The following SLIT3 variants were observed in gnomAD, a reference collection of about 807,000 sequenced individuals.
SLIT3 encodes slit guidance ligand 3.
Under a neutral mutation model 184.0 loss-of-function variants are expected in SLIT3, and 68 were observed. The ratio of observed to expected loss-of-function variants is 0.37; its 90% CI spans 0.30 to 0.45. The LOEUF is 0.45. SLIT3 is among the 20% of genes least tolerant of loss of function. SLIT3 has a pLI of 1.00. For missense variants in SLIT3, 1,707 were observed against 2,026.0 expected (o/e 0.84, Z 3.02); for synonymous variants, 831 against 828.6 (o/e 1.00, Z -0.05).
intron 24 of SLIT3, among the ~76,000 whole-genome samples, chr5:168,711,312 C>T (rs533254177): frequency 9.8e-5 from 15 of 152,310 alleles, no homozygotes; most frequent in African/African-American, 3.6e-4. Flanking sequence ...AAGTAAGACT[C>T]ACTCTTCAAC....
Position 169,077,259 on chromosome 5 carries a change from C to T in SLIT3, c.413+116220G>A, listed in dbSNP as rs78256787. 9.7e-3 allele frequency among the ~76,000 whole-genome samples: 1,479 copies of T among 152,146 alleles called. 13 individuals carry two copies. Among genetic ancestry groups the T allele is most frequent in the South Asian group, 0.026 (125 of 4,816 alleles). The stretch of plus-strand genomic sequence containing the variant: ...TATTGTAAGAATACAGTATGTAGGC[C>T]GGGCGCGGTGGCTCACACCTGTAAT... On this transcript the variant is annotated intron_variant, in intron 4 of 35. Transcript: ENST00000519560.
intron 4 of SLIT3, among the ~76,000 whole-genome samples, chr5:169,144,640 A>C (rs1761868499): frequency 6.6e-6 from 1 of 152,230 alleles, no homozygotes; most frequent in African/African-American, 2.4e-5. Context: ...ATCCTCAGGA[A>C]GGGTCTGGTC....
At chr5:168,732,698 C>T (rs1418635595) in intron 20 of SLIT3, among the ~76,000 whole-genome samples, 1 of 151,784 alleles carries the variant, frequency 6.6e-6, no homozygotes, top group Admixed American at 6.6e-5. Flanking sequence ...TTCACCAAAG[C>T]CAAAAATATA....
intron 5 of SLIT3, among the ~76,000 whole-genome samples, chr5:168,868,010 T>G (rs760269125): frequency 1.3e-5 from 2 of 152,186 alleles, no homozygotes; most frequent in Non-Finnish European, 2.9e-5. Context: ...AAGAAGATTT[T>G]GCATTAGGTG....
chr5:169,016,326 T>C (rs12654566), intron 4 of SLIT3, among the ~76,000 whole-genome samples: 13 of 152,048 alleles, frequency 8.5e-5, no homozygotes, highest in South Asian at 8.3e-4. Flanking sequence ...GCACATGTGC[T>C]CACAGAAATG....
chr5:169,013,168 T>C (rs1756219357), intron 4 of SLIT3: 1 of 152,252 alleles, frequency 6.6e-6, no homozygotes, highest in Non-Finnish European at 1.5e-5. Flanking sequence ...TCTCCTGGGC[T>C]TCAAAGTTGT....
chr5:169,145,846 G>C (rs190493750), intron 4 of SLIT3, among the ~76,000 whole-genome samples: 2 of 152,148 alleles, frequency 1.3e-5, no homozygotes, highest in African/African-American at 2.4e-5. Context: ...TCAGGAGCTC[G>C]AGGCCAGCCT....
Position 168,868,616 on chromosome 5 carries a change from C to T in SLIT3, c.485+14649G>A, listed in dbSNP as rs146811680. On this transcript the variant is annotated intron_variant, in intron 5 of 35. Coordinates refer to ENST00000519560, the MANE Select transcript of SLIT3 (RefSeq NM_003062.4). ...ACAAAAAATTAGCTGGCCGTGGTGG[C>T]GGGCACCTGTAATCCTAGCTACTCG... is the stretch of plus-strand genomic sequence containing the variant. Among the ~76,000 whole-genome samples, 1,420 of 151,790 alleles carry T rather than the reference C, an allele frequency of 9.4e-3. 19 individuals are homozygous for T. The highest frequency in any genetic ancestry group is 0.032 in the African/African-American group (1,306 of 41,368).
chr5:168,749,171 G>C (rs114293413), intron 19 of SLIT3, among the ~76,000 whole-genome samples: 1,935 of 152,322 alleles, frequency 0.013, 42 homozygotes, highest in African/African-American at 0.044. Context: ...GTACAACAGT[G>C]TTCTCATAGA....
chr5:168,754,157 C>G (rs921978604), intron 16 of SLIT3, 150 bp from the exon 17 acceptor site: 27 of 768,810 alleles, frequency 3.5e-5, no homozygotes, highest in Non-Finnish European at 4.9e-5. Flanking sequence ...CTGGGGCTCC[C>G]TGAACTTTGG....
At chr5:168,724,742 T>TC (rs58337477) in intron 20 of SLIT3, among the ~76,000 whole-genome samples, 7,459 of 152,210 alleles carry the variant, frequency 0.049, 189 homozygotes, top group African/African-American at 0.075. Context: ...CACCGTTGGA[T>TC]CCCCCCGTGG....
intron 4 of SLIT3, among the ~76,000 whole-genome samples, chr5:169,015,170 T>C (rs1007620427): frequency 6.6e-6 from 1 of 152,068 alleles, no homozygotes; most frequent in Non-Finnish European, 1.5e-5. Context: ...TTTCTGTGTA[T>C]TAGGAAAGGA....
intron 20 of SLIT3, among the ~76,000 whole-genome samples, chr5:168,734,909 A>C (rs909278332): frequency 9.2e-5 from 14 of 152,190 alleles, no homozygotes; most frequent in African/African-American, 3.4e-4. Context: ...AGTTGCTTTC[A>C]GTGCAGAATG....
chr5:169,267,672 G>T (rs1265675225), intron 1 of SLIT3, among the ~76,000 whole-genome samples: 1 of 152,152 alleles, frequency 6.6e-6, no homozygotes, highest in Non-Finnish European at 1.5e-5. Flanking sequence ...CACAGAAACA[G>T]GCAAAGATCA....
rs79657067 is a variant in SLIT3 at position 169,214,984 on chromosome 5, T to A, written c.342-21434A>T. Among the ~76,000 whole-genome samples the A allele has an allele frequency of 1.3e-3, 197 of 152,304 alleles. 3 individuals are homozygous for A. The East Asian group carries it at 0.03, about 23-fold the overall frequency. ...CCTCCGCATTACTGAAAGGGGCACC[T>A]CCTTGCCTCCAGTCTCGCTCCTCAC... On this transcript the variant is annotated intron_variant, in intron 3 of 35. Transcript: ENST00000519560.
chr5:168,848,940 A>G (rs1758578779), intron 5 of SLIT3, among the ~76,000 whole-genome samples: 1 of 152,230 alleles, frequency 6.6e-6, no homozygotes, highest in Admixed American at 6.5e-5. Context: ...CAGAAATTAA[A>G]GCAGCCTATC....
intron 3 of SLIT3, among the ~76,000 whole-genome samples, chr5:169,208,733 T>A (rs56374031): frequency 2.3e-3 from 357 of 152,358 alleles, no homozygotes; most frequent in Non-Finnish European, 4.2e-3. Flanking sequence ...GCTAGTCATA[T>A]GCAGAAAACT....
intron 4 of SLIT3, chr5:169,037,616 G>A (rs1478870157): frequency 2.0e-5 from 3 of 152,252 alleles, no homozygotes; most frequent in African/African-American, 7.2e-5. Context: ...AAGGATGATG[G>A]AGCGAGATGT....
chr5:168,804,398 A>G (rs1756886315), intron 9 of SLIT3, among the ~76,000 whole-genome samples: 1 of 147,742 alleles, frequency 6.8e-6, no homozygotes, highest in Non-Finnish European at 1.5e-5. Context: ...AGGAGGAATG[A>G]TGGAAGGAGG....
Sources: gnomAD v4.1 joint callset for allele counts (sites outside exome capture counted in the v4.1 genomes callset) on GRCh38, gnomAD v4.1.1 for gene constraint, MANE v1.5 for transcripts, NCBI Gene and HGNC (gene_info 2026-07-23, HGNC 2026-07-21) for gene names.